Variants in BICD1 observed in about 807,000 individuals in gnomAD.
BICD1 encodes the protein protein bicaudal D homolog 1.
Under a neutral mutation model 92.5 loss-of-function variants are expected in BICD1, and 35 were observed. The ratio of observed to expected loss-of-function variants is 0.38; its 90% confidence interval spans 0.29 to 0.50. The LOEUF (loss-of-function observed/expected upper bound fraction) is 0.50. BICD1 is among the 20% of genes least tolerant of loss of function. BICD1 has a pLI of 0.93. For missense variants in BICD1, 950 were observed against 1,189.8 expected (o/e 0.80, Z 2.97); for synonymous variants, 429 against 465.1 (o/e 0.92, Z 1.00).
chr12:32,287,783 C>G (rs996389203), intron 2 of BICD1, among the ~76,000 whole-genome samples: 2 of 152,240 alleles, frequency 1.3e-5, no homozygotes, highest in East Asian at 3.9e-4. Flanking sequence ...GTGATCCGCC[C>G]GCCTCGGCCT....
intron 1 of BICD1, among the ~76,000 whole-genome samples, chr12:32,210,507 C>T (rs977252156): frequency 3.3e-5 from 5 of 152,066 alleles, no homozygotes; most frequent in Admixed American, 2.0e-4. Context: ...TATCAATTTT[C>T]TTTGCATTAA....
chr12:32,252,839 C>T (rs866727795), intron 2 of BICD1, among the ~76,000 whole-genome samples: 4 of 152,044 alleles, frequency 2.6e-5, no homozygotes, highest in Middle Eastern at 3.2e-3. Context: ...ATTTTACTAT[C>T]GTTTTGTTGT....
chr12:32,344,800 C>T (rs1269222816), intron 8 of BICD1, among the ~76,000 whole-genome samples: 1 of 152,092 alleles, frequency 6.6e-6, no homozygotes, highest in Non-Finnish European at 1.5e-5. Context: ...TATTCCACTT[C>T]CCCATATCAC....
intron 2 of BICD1, among the ~76,000 whole-genome samples, chr12:32,245,810 G>T (rs534076824): frequency 1.3e-5 from 2 of 151,176 alleles, no homozygotes; most frequent in Non-Finnish European, 3.0e-5. Context: ...TGGGCGGATT[G>T]TCTGAGGTCA....
intron 1 of BICD1, among the ~76,000 whole-genome samples, chr12:32,118,103 A>G (rs965763617): frequency 1.6e-3 from 89 of 54,196 alleles, no homozygotes; most frequent in Admixed American, 6.7e-3. Flanking sequence ...TTTTTTTGAG[A>G]TGGAGTCTCA....
In BICD1 at chr12:32,337,612, C is replaced by T; in HGVS notation, c.2366C>T (p.Ala789Val). 2 of 1,614,150 alleles carry T rather than the reference C, an allele frequency of 1.2e-6. No individual in the cohort carries two copies. The highest frequency in any genetic ancestry group is 1.7e-6 in the Non-Finnish European group (2 of 1,180,030). Reference sequence around the variant, plus strand: ...CGAATGGCTATCCAGCAAAAACTCGCCCTGACCCAGAGGCTGGAGGACTTA... The same window carrying T: ...CGAATGGCTATCCAGCAAAAACTCGTCCTGACCCAGAGGCTGGAGGACTTA... ...LLRMAIQQKL[A>V]LTQRLEDLEF... Residue 789 changes from alanine to valine, a missense_variant, in exon 7 of 10, where the codon GCC (alanine) becomes GTC (valine). This residue lies in a region of BICD1 where 309 missense variants were observed against 499.4 expected (regional missense o/e 0.62). Coordinates refer to ENST00000652176, the MANE Select transcript of BICD1 (RefSeq NM_001714.4). This position sits in a 1 kb window ranked among gnomAD's most constrained non-coding sequence, Gnocchi z 4.7.
At chr12:32,342,204 G>GTGTATATA (rs375823999) in intron 8 of BICD1, among the ~76,000 whole-genome samples, 9 of 119,312 alleles carry the variant, frequency 7.5e-5, no homozygotes, top group East Asian at 2.3e-4. Context: ...GTGTGTGTGT[G>GTGTATATA]TATATATATA....
chr12:32,297,014 T>A (rs1026459914), intron 3 of BICD1, among the ~76,000 whole-genome samples: 4 of 151,106 alleles, frequency 2.6e-5, no homozygotes, highest in Admixed American at 1.3e-4. Flanking sequence ...CCCAATTAAG[T>A]ATCTAATTAA....
intron 6 of BICD1, among the ~76,000 whole-genome samples, chr12:32,336,809 T>C (rs1362419205): frequency 6.6e-6 from 1 of 152,182 alleles, no homozygotes; most frequent in Non-Finnish European, 1.5e-5. Context: ...AGACATTGCC[T>C]ATTAAGACTG....
At chr12:32,207,423 G>T (rs772758204) in intron 1 of BICD1, among the ~76,000 whole-genome samples, 60 of 152,112 alleles carry the variant, frequency 3.9e-4, no homozygotes, top group Middle Eastern at 3.2e-3. Flanking sequence ...ATTTAGTTGA[G>T]AAGTATGGAA....
chr12:32,374,311 A>G (rs1359058349), intron 9 of BICD1, among the ~76,000 whole-genome samples: 1 of 151,948 alleles, frequency 6.6e-6, no homozygotes, highest in Non-Finnish European at 1.5e-5. Context: ...ATTGCATAAT[A>G]TGTTTAGTTC....
intron 1 of BICD1, among the ~76,000 whole-genome samples, chr12:32,198,767 A>G (rs1389115355): frequency 6.6e-6 from 1 of 152,080 alleles, no homozygotes; most frequent in East Asian, 1.9e-4. Flanking sequence ...CCTTCTTGCC[A>G]GCTCACTATC....
At chr12:32,131,037 G>T (rs534963394) in intron 1 of BICD1, among the ~76,000 whole-genome samples, 1 of 152,142 alleles carries the variant, frequency 6.6e-6, no homozygotes, top group South Asian at 2.1e-4. Flanking sequence ...GTTTCGTCAT[G>T]TTGGCCAGGC....
intron 1 of BICD1, among the ~76,000 whole-genome samples, chr12:32,111,766 C>T (rs1478802326): frequency 6.6e-6 from 1 of 151,974 alleles, no homozygotes; most frequent in African/African-American, 2.4e-5. Context: ...CACCACCACA[C>T]CTGGCTAATT....
At position 32,370,534 on chromosome 12, in the gene BICD1, C is replaced by T. The variant is rs549006365; in HGVS notation, c.2840+2789C>T. On this transcript the variant is annotated intron_variant, in intron 9 of 9. Coordinates refer to ENST00000652176, the MANE Select transcript of BICD1 (RefSeq NM_001714.4). ...CCAGCCCTTACCCCAAGGCCTGGGT[C>T]AGTGCTGGGCACATGACAGCTGTGC... Among the ~76,000 whole-genome samples, 3 of 152,226 alleles carry T rather than the reference C, an allele frequency of 2.0e-5. No individual in the cohort carries two copies. In the South Asian group the frequency reaches 6.2e-4, roughly 32 times the overall value.
chr12:32,260,067 G>C (rs1434488709), intron 2 of BICD1, among the ~76,000 whole-genome samples: 1 of 151,942 alleles, frequency 6.6e-6, no homozygotes, highest in Non-Finnish European at 1.5e-5. Flanking sequence ...TGGGATTACA[G>C]GCATGCACCA....
intron 4 of BICD1, among the ~76,000 whole-genome samples, chr12:32,314,281 G>T (rs1238863425): frequency 6.6e-6 from 1 of 152,204 alleles, no homozygotes; most frequent in Non-Finnish European, 1.5e-5. Context: ...TCCCGGGGGA[G>T]TTAATACTAG....
At chr12:32,142,453 C>CCTATCTATCCTATCTATCTATCTAT (rs1942965133) in intron 1 of BICD1, among the ~76,000 whole-genome samples, 1 of 112,882 alleles carries the variant, frequency 8.9e-6, no homozygotes, top group Non-Finnish European at 1.7e-5. Context: ...ACCTATCTAT[C>CCTATCTATCCTATCTATCTATCTAT]CTATCTATCT....
Position 32,382,231 on chromosome 12 carries a change from A to C in BICD1, c.*4604A>C, listed in dbSNP as rs574541226. On this transcript the variant is annotated 3_prime_UTR_variant, in exon 10 of 10. Coordinates refer to ENST00000652176, the MANE Select transcript of BICD1 (RefSeq NM_001714.4). ...TCATCTAGACATGTCTTTCGTCCTT[A>C]TTATTCAAAGTGTAATTGAAAGAGA... is the stretch of plus-strand genomic sequence containing the variant. 6 of 152,240 alleles carry C rather than the reference A, an allele frequency of 3.9e-5. No homozygotes were observed. The highest frequency in any genetic ancestry group is 1.4e-4 in the African/African-American group (6 of 41,574). 9.4% of individuals were successfully genotyped at this position (152,240 alleles called of 1,614,324 possible).
Sources: allele counts gnomAD v4.1 joint callset (sites outside exome capture counted in the v4.1 genomes callset), GRCh38; gene constraint gnomAD v4.1.1; regional missense constraint gnomAD v4.1.1; non-coding constraint Gnocchi (gnomAD v3.1); transcripts MANE v1.5; gene names NCBI Gene and HGNC (gene_info 2026-07-23, HGNC 2026-07-21).